The following TRIM71 variants were observed in gnomAD, a reference collection of about 807,000 sequenced individuals.
The protein encoded by TRIM71 is E3 ubiquitin-protein ligase TRIM71.
In TRIM71, 9 loss-of-function variants were observed where a neutral mutation model predicts 61.2. That is an observed-to-expected ratio of 0.15 (90% CI 0.09 to 0.26). The LOEUF (loss-of-function observed/expected upper bound fraction) is 0.26. Among genes scored for constraint, TRIM71 ranks in the 10% least tolerant of loss-of-function variants. The pLI is 1.00. For synonymous variants in TRIM71, 645 were observed against 553.2 expected (o/e 1.17, Z -2.33); for missense variants, 998 against 1,238.7 (o/e 0.81, Z 2.92).
At chr3:32,827,265 A>ATTTTTTTTTTTTTTT (rs1167469115) in intron 1 of TRIM71, among the ~76,000 whole-genome samples, 1 of 117,478 alleles carries the variant, frequency 8.5e-6, no homozygotes, top group Admixed American at 8.3e-5. Flanking sequence ...TAGGGGGATA[A>ATTTTTTTTTTTTTTT]TTCTTTTTTT....
chr3:32,891,439 G>C lies in TRIM71; in HGVS notation c.2235G>C (p.Lys745Asn). 6.2e-7 allele frequency: 1 copy of C among 1,614,018 alleles called. No individual in the cohort carries two copies. Among genetic ancestry groups the C allele is most frequent in the Non-Finnish European group, 8.5e-7 (1 of 1,180,024 alleles). Reference protein sequence around the residue: ...NKYGFEGALWKHFDSPRGVAF... With the variant: ...NKYGFEGALWNHFDSPRGVAF... The stretch of plus-strand genomic sequence containing the variant: ...ATGGCTTCGAGGGGGCTCTCTGGAA[G>C]CACTTTGACTCCCCACGGGGTGTGG... The change falls in exon 4 of 4, where the codon AAG becomes AAC. Residue 745 changes from lysine (K) to asparagine (N), a missense_variant. Coordinates refer to ENST00000383763, the MANE Select transcript of TRIM71 (RefSeq NM_001039111.3). This position sits in a 1 kb window ranked among gnomAD's most constrained non-coding sequence, Gnocchi z 8.2.
rs975466120 is a variant in TRIM71 at position 32,892,062 on chromosome 3, T to C, written c.*251T>C. 4 of 450,524 alleles carry C rather than the reference T, an allele frequency of 8.9e-6. No homozygotes were observed. The highest frequency in any genetic ancestry group is 8.4e-5 in the African/African-American group (4 of 47,890). 27.9% of individuals were successfully genotyped at this position (450,524 alleles called of 1,614,324 possible). On this transcript the variant is annotated 3_prime_UTR_variant, in exon 4 of 4. Coordinates refer to ENST00000383763, the MANE Select transcript of TRIM71 (RefSeq NM_001039111.3). ...TGAGCCTGTGAAGTGATAATTTCTA[T>C]CTACCTCATAAATCTTTACATTTCC...
rs1395293982 is a variant in TRIM71 at position 32,818,109 on chromosome 3, A to G, written c.29A>G (p.Gln10Arg). The G allele has an allele frequency of 1.2e-6, 2 of 1,610,408 alleles. No homozygotes were observed. Among genetic ancestry groups the G allele is most frequent in the Non-Finnish European group, 1.7e-6 (2 of 1,178,232 alleles). MASFPETDF[Q>R]ICLLCKEMCG... ...GCTTCGTTCCCCGAGACCGATTTCCAGATCTGCTTGCTGTGCAAGGAGATG... is the reference window on the plus strand; with the variant it reads ...GCTTCGTTCCCCGAGACCGATTTCCGGATCTGCTTGCTGTGCAAGGAGATG... Residue 10 changes from glutamine to arginine, a missense_variant, in exon 1 of 4, where the codon CAG (glutamine) becomes CGG (arginine). By Grantham distance (43) the Gln-to-Arg change is conservative. Around this residue, in one of 5 missense-constraint regions of TRIM71, gnomAD observed 527 missense variants for 427.8 expected, o/e 1.23. Transcript: ENST00000383763.
At chr3:32,821,221 C>T (rs1351120036) in intron 1 of TRIM71, among the ~76,000 whole-genome samples, 3 of 152,132 alleles carry the variant, frequency 2.0e-5, no homozygotes, top group African/African-American at 7.2e-5. Context: ...TAGACTGACC[C>T]ATATCTGGAC....
chr3:32,831,499 TTTC>T (rs1026658276), intron 1 of TRIM71, among the ~76,000 whole-genome samples: 2 of 151,970 alleles, frequency 1.3e-5, no homozygotes, highest in African/African-American at 4.8e-5. Context: ...AAACAGCTAG[TTTC>T]TTTTCATGAA....
At chr3:32,857,971 G>A (rs927713619) in intron 1 of TRIM71, among the ~76,000 whole-genome samples, 5 of 151,948 alleles carry the variant, frequency 3.3e-5, no homozygotes, top group East Asian at 1.9e-4. Context: ...ACTCAGTCTC[G>A]GGGTGAGGGG....
intron 1 of TRIM71, among the ~76,000 whole-genome samples, chr3:32,868,699 T>TA (rs1696766105): frequency 3.3e-5 from 5 of 151,276 alleles, no homozygotes; most frequent in African/African-American, 1.2e-4. Context: ...TTTTTTTTTT[T>TA]TAAAAAACTG....
chr3:32,868,365 A>G (rs569162169), intron 1 of TRIM71, among the ~76,000 whole-genome samples: 1 of 152,240 alleles, frequency 6.6e-6, no homozygotes, highest in African/African-American at 2.4e-5. Flanking sequence ...TAACAATTGA[A>G]TATATTACCA....
intron 1 of TRIM71, among the ~76,000 whole-genome samples, chr3:32,857,677 G>GA (rs1696620695): frequency 6.6e-6 from 1 of 152,148 alleles, no homozygotes; most frequent in African/African-American, 2.4e-5. Context: ...ATGTTACTAA[G>GA]AAAATAATAA....
At chr3:32,852,768 A>T (rs540615857) in intron 1 of TRIM71, among the ~76,000 whole-genome samples, 3 of 141,782 alleles carry the variant, frequency 2.1e-5, no homozygotes, top group Non-Finnish European at 4.6e-5. Context: ...TTAAAAAAAA[A>T]AAAAAACAAA....
intron 1 of TRIM71, among the ~76,000 whole-genome samples, chr3:32,841,551 T>C (rs115529691): frequency 0.011 from 1,719 of 151,844 alleles, 23 homozygotes; most frequent in African/African-American, 0.039. Context: ...GCGTGTGCAG[T>C]GAAGCAAGAT....
At chr3:32,883,658 A>G (rs559320043) in intron 2 of TRIM71, among the ~76,000 whole-genome samples, 3 of 152,208 alleles carry the variant, frequency 2.0e-5, no homozygotes, top group Non-Finnish European at 4.4e-5. Flanking sequence ...CCTGGCCCAC[A>G]TTTAGTTGAG....
At chr3:32,836,056 A>G (rs1425421377) in intron 1 of TRIM71, among the ~76,000 whole-genome samples, 2 of 152,158 alleles carry the variant, frequency 1.3e-5, no homozygotes, top group Non-Finnish European at 2.9e-5. Context: ...GTTGCCAGCA[A>G]TGCTCATCCT....
chr3:32,890,227 G>A lies in TRIM71; in HGVS notation c.1156-133G>A, dbSNP rs1697009409. ...ATTTTGCTGCTTTTGAAGAAAGACA[G>A]ATGTCTTTTGTAGACCATCCCACAA... On this transcript the variant is annotated intron_variant, in intron 3 of 3. Coordinates refer to ENST00000383763, the MANE Select transcript of TRIM71 (RefSeq NM_001039111.3). This position sits in a 1 kb window ranked among gnomAD's most constrained non-coding sequence, Gnocchi z 6.2. 8.1e-7 allele frequency: 1 copy of A among 1,230,630 alleles called. No homozygotes were observed. Among genetic ancestry groups the A allele is most frequent in the Non-Finnish European group, 1.1e-6 (1 of 888,346 alleles). 76.2% of individuals were successfully genotyped at this position (1,230,630 alleles called of 1,614,324 possible).
chr3:32,818,041 T>C lies in TRIM71; in HGVS notation c.-40T>C, dbSNP rs1178538431. On this transcript the variant is annotated 5_prime_UTR_variant, in exon 1 of 4. Transcript: ENST00000383763. ...CCGCTCTCTCCTCCTCCTCCTCCTC[T>C]TCCTCTCTGGTCTCCTCCCTCCTCC... is the stretch of plus-strand genomic sequence containing the variant. 2 of 1,589,052 alleles carry C rather than the reference T, an allele frequency of 1.3e-6. No individual in the cohort carries two copies. Among genetic ancestry groups the C allele is most frequent in the East Asian group, 2.3e-5 (1 of 43,376 alleles).
chr3:32,830,012 C>T (rs1356433554), intron 1 of TRIM71, among the ~76,000 whole-genome samples: 1 of 150,046 alleles, frequency 6.7e-6, no homozygotes, highest in African/African-American at 2.5e-5. Flanking sequence ...TCACTGCAAC[C>T]TCTGCCTCCT....
At chr3:32,826,170 C>T (rs1696198727) in intron 1 of TRIM71, among the ~76,000 whole-genome samples, 1 of 152,176 alleles carries the variant, frequency 6.6e-6, no homozygotes, top group Non-Finnish European at 1.5e-5. Flanking sequence ...CACTCAACTC[C>T]CATCCAGGCA....
intron 1 of TRIM71, among the ~76,000 whole-genome samples, chr3:32,846,321 C>A (rs571760707): frequency 2.3e-3 from 357 of 152,026 alleles, no homozygotes; most frequent in Non-Finnish European, 4.4e-3. Flanking sequence ...GTGATCCACA[C>A]GCCTCAGCCT....
chr3:32,889,343 T>G (rs1196216037), intron 3 of TRIM71, among the ~76,000 whole-genome samples: 1 of 152,100 alleles, frequency 6.6e-6, no homozygotes, highest in Non-Finnish European at 1.5e-5. Flanking sequence ...ACAGACACAG[T>G]CATGGCACAC....
Sources: gnomAD v4.1 joint callset for allele counts (sites outside exome capture counted in the v4.1 genomes callset) on GRCh38, gnomAD v4.1.1 for gene constraint, gnomAD v4.1.1 regional missense constraint, Gnocchi (gnomAD v3.1) non-coding constraint, MANE v1.5 for transcripts, NCBI Gene and HGNC (gene_info 2026-07-23, HGNC 2026-07-21) for gene names.